The following PCDHA4 variants were observed in gnomAD, a reference collection of about 807,000 sequenced individuals.
The protein encoded by PCDHA4 is protocadherin alpha 4.
Under a neutral mutation model 61.4 loss-of-function variants are expected in PCDHA4, and 49 were observed. The ratio of observed to expected loss-of-function variants is 0.80; its 90% confidence interval spans 0.63 to 1.01. The LOEUF is 1.01. Ranked by LOEUF, PCDHA4 falls within the 50% of genes least tolerant of loss-of-function variation. The pLI is 0.00. For synonymous variants in PCDHA4, 590 were observed against 550.3 expected, an observed-to-expected ratio of 1.07 and a Z score of -1.01; for missense variants, 1,254 against 1,235.8, an observed-to-expected ratio of 1.01 and a Z score of -0.22.
chr5:140,836,604 T>C (rs2150265296), intron 1 of PCDHA4: 1 of 1,613,700 alleles, frequency 6.2e-7, no homozygotes, highest in African/African-American at 1.3e-5. Flanking sequence ...CACTCTGGTG[T>C]GCTCCAGCGC....
chr5:140,856,897 G>C, intron 1 of PCDHA4: 1 of 1,596,350 alleles, frequency 6.3e-7, no homozygotes, highest in Non-Finnish European at 8.6e-7. Flanking sequence ...TTAGCTCTTT[G>C]GTCCCACCCA....
chr5:140,876,648 T>A, intron 1 of PCDHA4: 4 of 1,614,208 alleles, frequency 2.5e-6, no homozygotes, highest in Non-Finnish European at 3.4e-6. Flanking sequence ...TGACACCTCA[T>A]GTTCCCTTCA....
chr5:140,830,801 T>G (rs2150103350), intron 1 of PCDHA4: 1 of 158,724 alleles, frequency 6.3e-6, no homozygotes, highest in African/African-American at 2.4e-5. Flanking sequence ...TTATATGGGA[T>G]TTTCATTTGT....
intron 1 of PCDHA4, chr5:140,829,247 A>T: frequency 1.2e-6 from 2 of 1,614,250 alleles, no homozygotes; most frequent in Non-Finnish European, 1.7e-6. Context: ...CGGGCAGGTG[A>T]ACTGCTCGCT....
intron 1 of PCDHA4, among the ~76,000 whole-genome samples, chr5:140,900,156 T>G (rs1219079675): frequency 3.3e-5 from 5 of 152,180 alleles, no homozygotes; most frequent in African/African-American, 1.2e-4. Flanking sequence ...CATACGATAT[T>G]TGTCTTTCTG....
intron 3 of PCDHA4, among the ~76,000 whole-genome samples, chr5:141,002,751 C>T (rs1204940300): frequency 3.9e-5 from 6 of 152,152 alleles, no homozygotes; most frequent in African/African-American, 1.4e-4. Context: ...CATCGACAAC[C>T]CTGTGATGTA....
chr5:140,843,829 G>T (rs1554140457), intron 1 of PCDHA4: 1 of 1,170,122 alleles, frequency 8.5e-7, no homozygotes, highest in African/African-American at 1.5e-5. Flanking sequence ...TTTAAACATT[G>T]TTTAGTTTTT....
At chr5:140,927,627 T>A (rs145171269) in intron 1 of PCDHA4, 5 of 1,614,062 alleles carry the variant, frequency 3.1e-6, no homozygotes, top group Non-Finnish European at 3.4e-6. Flanking sequence ...TTCCAGAGAC[T>A]GCACCCAATG....
intron 1 of PCDHA4, among the ~76,000 whole-genome samples, chr5:140,956,484 A>G (rs868955895): frequency 1.3e-5 from 2 of 152,226 alleles, no homozygotes; most frequent in South Asian, 2.1e-4. Flanking sequence ...CCAGTCTTGC[A>G]TCCCAGGGAT....
chr5:140,903,765 C>G (rs782453519), intron 1 of PCDHA4, among the ~76,000 whole-genome samples: 1 of 152,086 alleles, frequency 6.6e-6, no homozygotes. Flanking sequence ...TTTTGCTGAA[C>G]TTTTCTATCC....
intron 1 of PCDHA4, chr5:140,882,226 G>A (rs778262653): frequency 1.3e-6 from 2 of 1,564,150 alleles, no homozygotes; most frequent in Non-Finnish European, 1.7e-6. Context: ...GAGGTAAGGC[G>A]TTGTATATAT....
chr5:140,849,959 C>A (rs527334652), intron 1 of PCDHA4: 1 of 1,597,764 alleles, frequency 6.3e-7, no homozygotes, highest in African/African-American at 1.3e-5. Flanking sequence ...AGGAGAACGC[C>A]CTGGTGTCCT....
At chr5:140,883,398 G>A (rs1421475221) in intron 1 of PCDHA4, 1 of 1,614,166 alleles carries the variant, frequency 6.2e-7, no homozygotes, top group Non-Finnish European at 8.5e-7. Flanking sequence ...GTGTCCGATC[G>A]TGACTCTGGC....
At chr5:140,877,093 G>C in intron 1 of PCDHA4, 1 of 1,613,296 alleles carries the variant, frequency 6.2e-7, no homozygotes, top group Non-Finnish European at 8.5e-7. Context: ...GCGCGACGCC[G>C]GCGTGCCGCC....
chr5:140,843,887 A>T, intron 1 of PCDHA4: 2 of 705,148 alleles, frequency 2.8e-6, no homozygotes, highest in Non-Finnish European at 4.7e-6. Context: ...ATAATACAGT[A>T]TTAATCATTC....
At chr5:140,828,467 A>G (rs2150155619) in intron 1 of PCDHA4, 1 of 1,614,224 alleles carries the variant, frequency 6.2e-7, no homozygotes, top group African/African-American at 1.3e-5. Flanking sequence ...GGTGAGGGAC[A>G]TTAACGACAA....
At chr5:141,000,030 C>T (rs1261016075) in intron 3 of PCDHA4, among the ~76,000 whole-genome samples, 3 of 152,058 alleles carry the variant, frequency 2.0e-5, no homozygotes, top group African/African-American at 7.2e-5. Flanking sequence ...GCCTGACATC[C>T]AATCACACAC....
At chr5:140,852,355 G>A in intron 1 of PCDHA4, 1 of 208,524 alleles carries the variant, frequency 4.8e-6, no homozygotes, top group Non-Finnish European at 9.3e-6. Context: ...TTGGCTCACT[G>A]CAACGTCTGC....
At chr5:140,834,356 G>T (rs2150215618) in intron 1 of PCDHA4, 43 of 1,542,626 alleles carry the variant, frequency 2.8e-5, no homozygotes, top group Non-Finnish European at 3.7e-5. Flanking sequence ...AAGTTTTGCT[G>T]ACTAGAAAAA....
Sources: allele counts gnomAD v4.1 joint callset (sites outside exome capture counted in the v4.1 genomes callset), GRCh38; gene constraint gnomAD v4.1.1; transcripts MANE v1.5; gene names NCBI Gene and HGNC (gene_info 2026-07-23, HGNC 2026-07-21).